Variants in LPP observed in about 807,000 individuals in gnomAD.
LPP encodes the protein lipoma-preferred partner.
A neutral mutation model predicts 60.4 loss-of-function variants in LPP; 38 were observed. The ratio of observed to expected loss-of-function variants is 0.63; its 90% confidence interval spans 0.49 to 0.83. LPP has a LOEUF of 0.83. Among genes scored for constraint, LPP ranks in the 40% least tolerant of loss-of-function variants. The pLI, the probability that LPP is intolerant of heterozygous loss-of-function variation, is 0.00. For synonymous variants in LPP, 328 were observed against 290.8 expected (o/e 1.13, Z -1.30); for missense variants, 902 against 783.6 (o/e 1.15, Z -1.80).
chr3:188,424,482 T>G (rs1161099778), intron 4 of LPP, among the ~76,000 whole-genome samples: 1 of 152,192 alleles, frequency 6.6e-6, no homozygotes, highest in Non-Finnish European at 1.5e-5. Context: ...TTTTTTCTAC[T>G]TCTGTGAAGA....
chr3:188,371,996 T>C (rs1057015523), intron 3 of LPP, among the ~76,000 whole-genome samples: 2 of 151,458 alleles, frequency 1.3e-5, no homozygotes, highest in Non-Finnish European at 2.9e-5. Context: ...CTTTTCTTTT[T>C]TTTTTTCTCC....
chr3:188,333,695 T>C (rs1760766032), intron 2 of LPP, among the ~76,000 whole-genome samples: 2 of 152,220 alleles, frequency 1.3e-5, no homozygotes, highest in Non-Finnish European at 2.9e-5. Context: ...GAGCATTTGT[T>C]GAATGAATTT....
chr3:188,743,594 T>A (rs1203342952), intron 8 of LPP: 1 of 152,056 alleles, frequency 6.6e-6, no homozygotes, highest in Non-Finnish European at 1.5e-5. Context: ...ACAGTATTCC[T>A]ATGATCAATC....
chr3:188,300,249 T>C (rs1176863269), intron 2 of LPP, among the ~76,000 whole-genome samples: 1 of 152,202 alleles, frequency 6.6e-6, no homozygotes, highest in African/African-American at 2.4e-5. Context: ...ATGTGTATTT[T>C]TATTCTGTTT....
At chr3:188,440,280 C>T (rs1793444808) in intron 4 of LPP, among the ~76,000 whole-genome samples, 1 of 152,128 alleles carries the variant, frequency 6.6e-6, no homozygotes, top group African/African-American at 2.4e-5. Flanking sequence ...TCAGTGTCCT[C>T]TTTCGTAAAA....
At chr3:188,587,857 G>A (rs948622663) in intron 6 of LPP, among the ~76,000 whole-genome samples, 1 of 152,124 alleles carries the variant, frequency 6.6e-6, no homozygotes, top group African/African-American at 2.4e-5. Context: ...TACTCGCTTT[G>A]TGTCCCCCAA....
chr3:188,659,982 G>A (rs184868185), intron 7 of LPP, among the ~76,000 whole-genome samples: 8 of 152,008 alleles, frequency 5.3e-5, no homozygotes, highest in African/African-American at 1.7e-4. Context: ...AGCTTATTCT[G>A]AACTACATTG....
intron 2 of LPP, among the ~76,000 whole-genome samples, chr3:188,300,075 T>C (rs1030633224): frequency 3.9e-5 from 6 of 152,190 alleles, no homozygotes; most frequent in Admixed American, 1.3e-4. Flanking sequence ...TTTTAAAAAG[T>C]TAAATGCACA....
intron 9 of LPP, among the ~76,000 whole-genome samples, chr3:188,859,599 T>G (rs1764690347): frequency 1.3e-5 from 2 of 152,230 alleles, no homozygotes; most frequent in Non-Finnish European, 2.9e-5. Flanking sequence ...CTTTGTTCCA[T>G]TCTTTAGGCT....
intron 5 of LPP, among the ~76,000 whole-genome samples, chr3:188,499,295 A>C (rs1811145944): frequency 6.6e-6 from 1 of 152,142 alleles, no homozygotes; most frequent in African/African-American, 2.4e-5. Context: ...ATTTCGAGTT[A>C]ACTTTTATAA....
At chr3:188,396,185 A>C (rs536379701) in intron 3 of LPP, among the ~76,000 whole-genome samples, 1 of 152,324 alleles carries the variant, frequency 6.6e-6, no homozygotes, top group African/African-American at 2.4e-5. Context: ...AGATGTAAAT[A>C]TGTCTTAACG....
chr3:188,408,456 T>G (rs964266778), intron 4 of LPP, among the ~76,000 whole-genome samples: 1 of 152,208 alleles, frequency 6.6e-6, no homozygotes. Context: ...TGAAGTGATT[T>G]GTTTGCGTGC....
At chr3:188,596,452 C>G (rs1690529831) in intron 6 of LPP, among the ~76,000 whole-genome samples, 1 of 152,134 alleles carries the variant, frequency 6.6e-6, no homozygotes, top group Admixed American at 6.5e-5. Context: ...GGGATCCATT[C>G]CTTTTATCCA....
At chr3:188,280,787 G>A (rs1490991514) in intron 2 of LPP, among the ~76,000 whole-genome samples, 1 of 152,098 alleles carries the variant, frequency 6.6e-6, no homozygotes, top group Non-Finnish European at 1.5e-5. Context: ...GGGAGAATGT[G>A]GGCTTTGGAG....
intron 1 of LPP, among the ~76,000 whole-genome samples, chr3:188,190,466 C>T (rs1727852207): frequency 6.6e-6 from 1 of 152,170 alleles, no homozygotes; most frequent in South Asian, 2.1e-4. Flanking sequence ...TGGGGTCTGA[C>T]TCCATGTCGC....
At chr3:188,461,057 G>A (rs1330014028) in intron 4 of LPP, among the ~76,000 whole-genome samples, 1 of 152,222 alleles carries the variant, frequency 6.6e-6, no homozygotes, top group East Asian at 1.9e-4. Context: ...CCAGAGGATA[G>A]AAATATGCCA....
intron 9 of LPP, among the ~76,000 whole-genome samples, chr3:188,766,699 C>G (rs1297378566): frequency 6.6e-6 from 1 of 152,170 alleles, no homozygotes; most frequent in Non-Finnish European, 1.5e-5. Flanking sequence ...ACCTTTTTCC[C>G]ATGATGGTAA....
At chr3:188,164,322 G>A (rs1460610112) in intron 1 of LPP, among the ~76,000 whole-genome samples, 1 of 152,128 alleles carries the variant, frequency 6.6e-6, no homozygotes, top group Non-Finnish European at 1.5e-5. Context: ...CCATCCAGTG[G>A]CCCATCTTGA....
In LPP at chr3:188,820,315, A is replaced by T. The variant is rs189786413; in HGVS notation, c.1411-45885A>T. On this transcript the variant is annotated intron_variant, in intron 9 of 11. Transcript: ENST00000617246. Reference sequence around the variant, plus strand: ...TGTGTATGTGTGTGTGTGTGTGTTCAATTGAGTCAAGAACAGAGGAGAGGA... The same window carrying T: ...TGTGTATGTGTGTGTGTGTGTGTTCTATTGAGTCAAGAACAGAGGAGAGGA... Among the ~76,000 whole-genome samples, 6 of 151,992 alleles carry T rather than the reference A, an allele frequency of 3.9e-5. No individual in the cohort carries two copies. In the East Asian group the frequency reaches 1.2e-3, roughly 29 times the overall value.
Sources: allele counts gnomAD v4.1 joint callset (sites outside exome capture counted in the v4.1 genomes callset), GRCh38; gene constraint gnomAD v4.1.1; transcripts MANE v1.5; gene names NCBI Gene and HGNC (gene_info 2026-07-23, HGNC 2026-07-21).